Variants in IQCJ observed in about 807,000 individuals in gnomAD.
IQCJ encodes the protein IQ domain-containing protein J.
Under a neutral mutation model 11.0 loss-of-function variants are expected in IQCJ, and 9 were observed. The ratio of observed to expected loss-of-function variants is 0.82; its 90% CI spans 0.49 to 1.43. The LOEUF is 1.43. IQCJ is among the 40% of genes most tolerant of loss of function. The pLI is 0.00. For missense variants in IQCJ, 146 were observed against 133.2 expected (o/e 1.10, Z -0.47); for synonymous variants, 55 against 51.3 (o/e 1.07, Z -0.31).
chr3:159,250,683 G>A (rs965409064), intron 2 of IQCJ, among the ~76,000 whole-genome samples: 1 of 152,158 alleles, frequency 6.6e-6, no homozygotes, highest in Non-Finnish European at 1.5e-5. Context: ...ACTATCATGA[G>A]AACAGTGTGG....
intron 1 of IQCJ, among the ~76,000 whole-genome samples, chr3:159,109,527 TA>T (rs3051445): frequency 5.5e-4 from 68 of 122,660 alleles, no homozygotes; most frequent in Middle Eastern, 4.5e-3. Context: ...TTGTATTAAC[TA>T]AAAAAAAAAA....
At chr3:159,110,402 C>T (rs1279239039) in intron 1 of IQCJ, among the ~76,000 whole-genome samples, 1 of 152,156 alleles carries the variant, frequency 6.6e-6, no homozygotes, top group Non-Finnish European at 1.5e-5. Flanking sequence ...ACCTTTGCAT[C>T]TGTTTCCTCT....
intron 1 of IQCJ, among the ~76,000 whole-genome samples, chr3:159,140,133 T>A (rs560880170): frequency 6.6e-6 from 1 of 152,336 alleles, no homozygotes; most frequent in African/African-American, 2.4e-5. Flanking sequence ...TGTTAGTTAA[T>A]GAGGCTACAC....
intron 1 of IQCJ, among the ~76,000 whole-genome samples, chr3:159,166,698 G>A (rs3924807): frequency 0.17 from 25,356 of 152,122 alleles, 2,214 homozygotes; most frequent in Middle Eastern, 0.21. Flanking sequence ...GGAGGCTGGA[G>A]GATGGTTTCC....
intron 1 of IQCJ, among the ~76,000 whole-genome samples, chr3:159,101,147 A>T (rs571633292): frequency 1.4e-5 from 2 of 144,576 alleles, no homozygotes; most frequent in East Asian, 4.2e-4. Context: ...TGCGTCCGTC[A>T]CCCCTTTCTT....
At position 159,092,590 on chromosome 3, in the gene IQCJ, C is replaced by T. The variant is rs375199017; in HGVS notation, c.9+23149C>T. ...ACAGGCATCTGTAGTCCCAGCTACT[C>T]GGGAGGCTGAGGCAGGAGAATGGTG... On this transcript the variant is annotated intron_variant, in intron 1 of 3. Transcript: ENST00000397832. Among the ~76,000 whole-genome samples the T allele has an allele frequency of 1.8e-4, 27 of 151,470 alleles. No individual in the cohort carries two copies. In the East Asian group the frequency reaches 3.5e-3, roughly 20 times the overall value.
At chr3:159,122,612 A>G (rs768163482) in intron 1 of IQCJ, among the ~76,000 whole-genome samples, 5 of 152,138 alleles carry the variant, frequency 3.3e-5, no homozygotes, top group Admixed American at 6.6e-5. Flanking sequence ...TTCACTTTTA[A>G]CTATCTTCTG....
intron 1 of IQCJ, among the ~76,000 whole-genome samples, chr3:159,239,852 T>C (rs1301843410): frequency 6.6e-6 from 1 of 152,228 alleles, no homozygotes; most frequent in East Asian, 1.9e-4. Context: ...ACATATGCTT[T>C]ATAGGTTTGT....
rs1839222 is a variant in IQCJ at position 159,248,103 on chromosome 3, T to G, written c.74+2196T>G. ...TTAGCTTTGTCAGTCCAGACAAAATTTTTAACCATCTTGAGCCCCACTATA... is the reference window on the plus strand; with the variant it reads ...TTAGCTTTGTCAGTCCAGACAAAATGTTTAACCATCTTGAGCCCCACTATA... On this transcript the variant is annotated intron_variant, in intron 2 of 3. Coordinates refer to ENST00000397832, the MANE Select transcript of IQCJ (RefSeq NM_001042706.3). Among the ~76,000 whole-genome samples the G allele has an allele frequency of 8.6e-3, 1,314 of 152,282 alleles. 38 individuals carry two copies. Among genetic ancestry groups the G allele is most frequent in the Admixed American group, 0.056 (860 of 15,292 alleles).
chr3:159,101,201 G>A (rs531936898), intron 1 of IQCJ, among the ~76,000 whole-genome samples: 144 of 143,502 alleles, frequency 1.0e-3, no homozygotes, highest in Middle Eastern at 3.6e-3. Flanking sequence ...CTTCCCAGGT[G>A]AGGCAATGCC....
chr3:159,181,070 C>T (rs1723063607), intron 1 of IQCJ, among the ~76,000 whole-genome samples: 1 of 151,866 alleles, frequency 6.6e-6, no homozygotes, highest in South Asian at 2.1e-4. Context: ...TCTCAACTTC[C>T]ATTCACTTTC....
At chr3:159,071,852 T>C (rs1422495122) in intron 1 of IQCJ, among the ~76,000 whole-genome samples, 2 of 152,092 alleles carry the variant, frequency 1.3e-5, no homozygotes, top group Non-Finnish European at 2.9e-5. Flanking sequence ...AAAATGATTG[T>C]AAAACACTTA....
intron 1 of IQCJ, among the ~76,000 whole-genome samples, chr3:159,116,296 G>A (rs1018041880): frequency 6.6e-6 from 1 of 151,676 alleles, no homozygotes; most frequent in Admixed American, 6.6e-5. Context: ...AAAAAGAAGA[G>A]GAAGACAAAG....
At chr3:159,117,203 C>A (rs558221150) in intron 1 of IQCJ, among the ~76,000 whole-genome samples, 1 of 152,170 alleles carries the variant, frequency 6.6e-6, no homozygotes, top group African/African-American at 2.4e-5. Flanking sequence ...CATTCTGTAG[C>A]CTTTTCATCC....
At chr3:159,198,253 C>T (rs1005673951) in intron 1 of IQCJ, among the ~76,000 whole-genome samples, 2 of 151,964 alleles carry the variant, frequency 1.3e-5, no homozygotes, top group Non-Finnish European at 2.9e-5. Flanking sequence ...TTCTGTACCA[C>T]CATTTCCTTG....
At chr3:159,179,639 G>GC (rs1451963222) in intron 1 of IQCJ, among the ~76,000 whole-genome samples, 1 of 152,082 alleles carries the variant, frequency 6.6e-6, no homozygotes, top group Non-Finnish European at 1.5e-5. Context: ...GAGACATTAG[G>GC]CCAGTATCAG....
intron 1 of IQCJ, among the ~76,000 whole-genome samples, chr3:159,227,906 A>G (rs1248555860): frequency 1.3e-5 from 2 of 152,344 alleles, no homozygotes; most frequent in East Asian, 3.9e-4. Flanking sequence ...AGATAGGGGT[A>G]AAGAATGGTC....
chr3:159,113,557 G>A (rs1191341602), intron 1 of IQCJ, among the ~76,000 whole-genome samples: 2 of 152,212 alleles, frequency 1.3e-5, no homozygotes, highest in Admixed American at 6.5e-5. Flanking sequence ...GTTGCTTTAT[G>A]TTCGTTTAAT....
intron 1 of IQCJ, among the ~76,000 whole-genome samples, chr3:159,162,081 C>G (rs368125777): frequency 5.3e-4 from 80 of 152,152 alleles, no homozygotes; most frequent in Non-Finnish European, 9.7e-4. Flanking sequence ...GTCATTGGTA[C>G]CTTGATGGGG....
Sources: gnomAD v4.1 joint callset for allele counts (sites outside exome capture counted in the v4.1 genomes callset) on GRCh38, gnomAD v4.1.1 for gene constraint, MANE v1.5 for transcripts, NCBI Gene and HGNC (gene_info 2026-07-23, HGNC 2026-07-21) for gene names.